FREM1: variants seen among roughly 807,000 people sequenced by gnomAD.
FREM1 encodes FRAS1-related extracellular matrix protein 1.
Under a neutral mutation model 210.1 loss-of-function variants are expected in FREM1, and 220 were observed. The observed-to-expected ratio is 1.05, with a 90% CI of 0.94 to 1.17. The LOEUF (loss-of-function observed/expected upper bound fraction) is 1.17. Ranked by LOEUF, FREM1 falls within the 50% of genes most tolerant of loss-of-function variation. The pLI is 0.00. For missense variants in FREM1, 3,454 were observed against 2,675.5 expected, an observed-to-expected ratio of 1.29 and a Z score of -6.42; for synonymous variants, 1,189 against 980.2, an observed-to-expected ratio of 1.21 and a Z score of -3.98.
Position 14,908,334 on chromosome 9 carries a change from G to A in FREM1, c.-268+1580C>T, listed in dbSNP as rs115933332. On this transcript the variant is annotated intron_variant, in intron 1 of 36. Coordinates refer to ENST00000380880, the MANE Select transcript of FREM1 (RefSeq NM_001379081.2). ...GCTCAGTTTACCCAAACTCAGCCTC[G>A]CCCAACCCCTACAGCCCAGCAGCCC... Among the ~76,000 whole-genome samples, 602 of 152,160 alleles carry A rather than the reference G, an allele frequency of 4.0e-3. 8 individuals carry two copies. Among genetic ancestry groups the A allele is most frequent in the Middle Eastern group, 0.02 (6 of 294 alleles).
In FREM1 at chr9:14,740,173, C is replaced by T; in HGVS notation, c.6316G>A (p.Gly2106Ser). The T allele has an allele frequency of 1.2e-6, 2 of 1,612,486 alleles. No homozygotes were observed. Among genetic ancestry groups the T allele is most frequent in the Non-Finnish European group, 1.7e-6 (2 of 1,179,004 alleles). ...CCTATCCAAAAGGACTTTCTCCCAC[C>T]AATGTCCCAGAGCCACCGCATGTGC... ...RQHMRWLWDIGGRKSFWIGLN... is the reference protein window; with the variant it reads ...RQHMRWLWDISGRKSFWIGLN... Residue 2106 changes from glycine (G) to serine (S), a missense_variant, in exon 36 of 37, where the codon GGT (glycine) becomes AGT (serine). Coordinates refer to ENST00000380880, the MANE Select transcript of FREM1 (RefSeq NM_001379081.2).
At chr9:14,773,919 A>G (rs181096752) in intron 25 of FREM1, 1 of 346,224 alleles carries the variant, frequency 2.9e-6, no homozygotes, top group East Asian at 7.6e-5. Flanking sequence ...CCCTGGTTGG[A>G]CAGTACAGAG....
chr9:14,816,312 G>A (rs1820300672), intron 15 of FREM1, among the ~76,000 whole-genome samples: 1 of 152,140 alleles, frequency 6.6e-6, no homozygotes, highest in Non-Finnish European at 1.5e-5. Flanking sequence ...TGGCAGGCCT[G>A]AGACATACAA....
chr9:14,776,437 C>A (rs113337979), intron 24 of FREM1, among the ~76,000 whole-genome samples: 1 of 152,160 alleles, frequency 6.6e-6, no homozygotes, highest in Non-Finnish European at 1.5e-5. Context: ...TAATGACAGA[C>A]CCATGTGATG....
intron 1 of FREM1, among the ~76,000 whole-genome samples, chr9:14,907,857 C>T (rs1208322891): frequency 6.6e-6 from 1 of 152,154 alleles, no homozygotes; most frequent in Non-Finnish European, 1.5e-5. Flanking sequence ...GATACCAAAA[C>T]TCATTTAATT....
intron 36 of FREM1, among the ~76,000 whole-genome samples, chr9:14,739,726 A>G (rs1214604902): frequency 6.6e-6 from 1 of 151,734 alleles, no homozygotes; most frequent in Non-Finnish European, 1.5e-5. Flanking sequence ...TCCAACATAT[A>G]TTTGTTAAAT....
chr9:14,873,393 C>A (rs1473618085), intron 1 of FREM1, among the ~76,000 whole-genome samples: 1 of 152,126 alleles, frequency 6.6e-6, no homozygotes, highest in Non-Finnish European at 1.5e-5. Context: ...CTGGTTTAGT[C>A]TTCGGAGGGT....
intron 5 of FREM1, among the ~76,000 whole-genome samples, chr9:14,856,278 G>T (rs941757632): frequency 6.6e-6 from 1 of 152,118 alleles, no homozygotes; most frequent in Non-Finnish European, 1.5e-5. Context: ...CAGGCAATCT[G>T]GGCCCAGCGT....
intron 1 of FREM1, among the ~76,000 whole-genome samples, chr9:14,896,568 A>G (rs11789360): frequency 0.49 from 71,185 of 146,000 alleles, 20,743 homozygotes; most frequent in African/African-American, 0.82. Context: ...AAAAAAAAGA[A>G]GCATGAATAA....
At chr9:14,895,719 C>T (rs1226787994) in intron 1 of FREM1, among the ~76,000 whole-genome samples, 3 of 151,956 alleles carry the variant, frequency 2.0e-5, no homozygotes, top group African/African-American at 4.8e-5. Context: ...TTCTAGATAT[C>T]ACCTTTTGTT....
chr9:14,763,787 G>A (rs72614219), intron 27 of FREM1, among the ~76,000 whole-genome samples: 18,923 of 152,244 alleles, frequency 0.12, 1,528 homozygotes, highest in East Asian at 0.38. Context: ...CAGCAAGCAT[G>A]CTATCACATT....
chr9:14,860,978 T>C (rs1830145806), intron 3 of FREM1, among the ~76,000 whole-genome samples: 1 of 126,314 alleles, frequency 7.9e-6, no homozygotes. Context: ...TATATACATA[T>C]ATACACATAT....
chr9:14,844,779 T>G lies in FREM1; in HGVS notation c.1393+1181A>C, dbSNP rs10810269. ...TTTGATAAAGAAATCTAAGTGGAAA[T>G]TGTTGTATTGTGCTCCTAGGAAAAC... On this transcript the variant is annotated intron_variant, in intron 8 of 36. Coordinates refer to ENST00000380880, the MANE Select transcript of FREM1 (RefSeq NM_001379081.2). Among the ~76,000 whole-genome samples the G allele has an allele frequency of 3.3e-5, 5 of 152,142 alleles. No homozygotes were observed. In the East Asian group the frequency reaches 7.7e-4, roughly 23 times the overall value.
At position 14,798,452 on chromosome 9, in the gene FREM1, A is replaced by AT. The variant is rs1314233475; in HGVS notation, c.3695-811dup. ...ATAATGAGACCTTGTCTTTAAAAGA[A>AT]TTTTTTTTTTGAAACACTAGCCAGG... is the stretch of plus-strand genomic sequence containing the variant. On this transcript the variant is annotated intron_variant, in intron 20 of 36. Transcript: ENST00000380880. Among the ~76,000 whole-genome samples the AT allele has an allele frequency of 3.3e-5, 5 of 149,934 alleles. No homozygotes were observed. In the East Asian group the frequency reaches 5.9e-4, roughly 18 times the overall value.
At chr9:14,788,037 AT>A (rs144473536) in intron 23 of FREM1, among the ~76,000 whole-genome samples, 22 of 150,700 alleles carry the variant, frequency 1.5e-4, no homozygotes, top group Non-Finnish European at 2.1e-4. Context: ...ATAAAGCAAG[AT>A]TTTTTTTTTA....
At position 14,808,737 on chromosome 9, in the gene FREM1, T is replaced by C. The variant is rs143526875; in HGVS notation, c.2894-603A>G. On this transcript the variant is annotated intron_variant, in intron 16 of 36. Coordinates refer to ENST00000380880, the MANE Select transcript of FREM1 (RefSeq NM_001379081.2). ...GAAGAGGCATTTATTTTCATTTTCT[T>C]CTTTTCACTGTTTAGGTCTTACATC... Among the ~76,000 whole-genome samples the C allele has an allele frequency of 4.7e-3, 717 of 152,338 alleles. 4 individuals are homozygous for C. Among genetic ancestry groups the C allele is most frequent in the African/African-American group, 0.016 (670 of 41,584 alleles).
intron 30 of FREM1, 90 bp from the exon 31 acceptor site, chr9:14,748,729 T>G: frequency 1.2e-6 from 1 of 839,304 alleles, no homozygotes; most frequent in Non-Finnish European, 1.9e-6. Flanking sequence ...CAGCTTGTCA[T>G]TAAACCTAGA....
At chr9:14,890,886 T>C (rs1254022999) in intron 1 of FREM1, among the ~76,000 whole-genome samples, 1 of 152,206 alleles carries the variant, frequency 6.6e-6, no homozygotes, top group Non-Finnish European at 1.5e-5. Flanking sequence ...GAAGATTAGT[T>C]AGGAAATGGC....
intron 31 of FREM1, 22 bp downstream of exon 31, chr9:14,748,379 C>T: frequency 7.5e-7 from 1 of 1,336,218 alleles, no homozygotes; most frequent in South Asian, 1.2e-5. Context: ...CACATCATTT[C>T]CCAGAAGGTC....
Sources: allele counts gnomAD v4.1 joint callset (sites outside exome capture counted in the v4.1 genomes callset), GRCh38; gene constraint gnomAD v4.1.1; transcripts MANE v1.5; gene names NCBI Gene and HGNC (gene_info 2026-07-23, HGNC 2026-07-21).